Variants in ANKRD36B observed in about 807,000 individuals in gnomAD.
ANKRD36B encodes the protein ankyrin repeat domain-containing protein 36B.
In ANKRD36B, 37 loss-of-function variants were observed where a neutral mutation model predicts 135.7. The ratio of observed to expected loss-of-function variants is 0.27; its 90% confidence interval spans 0.21 to 0.36. The LOEUF (loss-of-function observed/expected upper bound fraction) is 0.36, where lower values mean the gene tolerates loss of function less well. Among genes scored for constraint, ANKRD36B ranks in the 10% least tolerant of loss-of-function variants. ANKRD36B has a pLI of 1.00. For missense variants in ANKRD36B, 549 were observed against 1,037.1 expected, an observed-to-expected ratio of 0.53 and a Z score of 6.46; for synonymous variants, 179 against 348.1, an observed-to-expected ratio of 0.51 and a Z score of 5.41.
chr2:97,588,335 C>G (rs867799128), intron 1 of ANKRD36B, among the ~76,000 whole-genome samples: 7 of 151,768 alleles, frequency 4.6e-5, no homozygotes, highest in Non-Finnish European at 8.8e-5. Flanking sequence ...AAGGCAATTG[C>G]GGTTTTCGCC....
In ANKRD36B at chr2:97,555,360, T is replaced by C. The variant is rs1278776350; in HGVS notation, c.1070-106A>G. 14 of 1,506,026 alleles carry C rather than the reference T, an allele frequency of 9.3e-6. 1 individual carries two copies. The highest frequency in any genetic ancestry group is 8.0e-5 in the Admixed American group (4 of 50,136). The allele number at this position is 1,506,026 out of a possible 1,614,324, so 93.3% of individuals were successfully genotyped here. ...AGCTGTATCTTCCTGCCTGTATTAGTATAGGCTTTGATTTTTGTGTCTGGG... is the reference window on the plus strand; with the variant it reads ...AGCTGTATCTTCCTGCCTGTATTAGCATAGGCTTTGATTTTTGTGTCTGGG... On this transcript the variant is annotated intron_variant, in intron 12 of 43. Coordinates refer to ENST00000359901, the MANE Select transcript of ANKRD36B (RefSeq NM_001393939.1).
chr2:97,566,159 CAAA>C (rs56089651), intron 6 of ANKRD36B, among the ~76,000 whole-genome samples: 9 of 148,062 alleles, frequency 6.1e-5, no homozygotes, highest in African/African-American at 2.0e-4. Flanking sequence ...AACAAAAATA[CAAA>C]AAAAAAAAAT....
Position 97,577,841 on chromosome 2 carries a change from T to C in ANKRD36B, c.695+1065A>G, listed in dbSNP as rs374483875. 3.6e-4 allele frequency among the ~76,000 whole-genome samples: 54 copies of C among 151,978 alleles called. 2 individuals carry two copies. The East Asian group carries it at 8.3e-3, about 23-fold the overall frequency. On this transcript the variant is annotated intron_variant, in intron 5 of 43. Coordinates refer to ENST00000359901, the MANE Select transcript of ANKRD36B (RefSeq NM_001393939.1). The stretch of plus-strand genomic sequence containing the variant: ...ACTTGAGGGGCCAACCACAAGTTGA[T>C]GCCTACTACTCTAAGGAAGGATGGC...
At chr2:97,563,363 T>C (rs937352198) in intron 6 of ANKRD36B, among the ~76,000 whole-genome samples, 11 of 151,544 alleles carry the variant, frequency 7.3e-5, no homozygotes, top group Admixed American at 4.6e-4. Flanking sequence ...AGGAAATAAA[T>C]ATGGAACACA....
At chr2:97,581,994 G>A (rs1403679709) in intron 3 of ANKRD36B, among the ~76,000 whole-genome samples, 1 of 150,542 alleles carries the variant, frequency 6.6e-6, no homozygotes, top group African/African-American at 2.4e-5. Context: ...ATTTGTAGTA[G>A]AGAGGGGGTT....
chr2:97,554,971 TG>T, intron 14 of ANKRD36B, 88 bp downstream of exon 14: 2 of 1,490,960 alleles, frequency 1.3e-6, no homozygotes, highest in Non-Finnish European at 1.8e-6. Context: ...TGTGCAGCTT[TG>T]ATGAGCCCCC....
intron 10 of ANKRD36B, 48 bp from the exon 11 acceptor site, chr2:97,557,180 A>C: frequency 6.7e-7 from 1 of 1,496,202 alleles, no homozygotes; most frequent in Non-Finnish European, 9.0e-7. Flanking sequence ...AATATGACAA[A>C]GTCGTCCATA....
intron 34 of ANKRD36B, among the ~76,000 whole-genome samples, chr2:97,535,933 G>T (rs1270310529): frequency 1.1e-5 from 1 of 92,450 alleles, no homozygotes; most frequent in African/African-American, 3.2e-5. Context: ...GGCATGGTGG[G>T]GCATACCTGT....
chr2:97,555,245 T>G lies in ANKRD36B; in HGVS notation c.1079A>C (p.Gln360Pro). 6.2e-7 allele frequency: 1 copy of G among 1,611,290 alleles called. No individual in the cohort carries two copies. Among genetic ancestry groups the G allele is most frequent in the Non-Finnish European group, 8.5e-7 (1 of 1,178,266 alleles). The change falls in exon 13 of 44, where the codon CAG becomes CCG. Residue 360 changes from glutamine to proline, a missense_variant. Coordinates refer to ENST00000359901, the MANE Select transcript of ANKRD36B (RefSeq NM_001393939.1). ...GGGKSGTVSS[Q>P]KQPASKTASD... ...AATTACCTTTGAGGCTGGTTGTTTCTGAGAAGACACTGAAAAGCAAAAGGG... is the reference window on the plus strand; with the variant it reads ...AATTACCTTTGAGGCTGGTTGTTTCGGAGAAGACACTGAAAAGCAAAAGGG...
At chr2:97,514,075 G>A (rs200617982) in intron 37 of ANKRD36B, among the ~76,000 whole-genome samples, 3,157 of 135,806 alleles carry the variant, frequency 0.023, 215 homozygotes, top group Middle Eastern at 0.045. Context: ...GGGCTGTGTC[G>A]GGGGCCACGG....
rs1032904184 is a variant in ANKRD36B at position 97,585,174 on chromosome 2, C to T, written c.277-57G>A. 2.9e-4 allele frequency: 473 copies of T among 1,612,770 alleles called. 3 individuals carry two copies. The highest frequency in any genetic ancestry group is 3.6e-5 in the Non-Finnish European group (42 of 1,179,236). On this transcript the variant is annotated intron_variant, in intron 2 of 43. Transcript: ENST00000359901. Reference sequence around the variant, plus strand: ...ACTGAAAAAATCAAAATAAACACTCCGTAGGATTTCCTACTAGTTATATGG... The same window carrying T: ...ACTGAAAAAATCAAAATAAACACTCTGTAGGATTTCCTACTAGTTATATGG...
intron 20 of ANKRD36B, among the ~76,000 whole-genome samples, chr2:97,548,674 T>C (rs1396330137): frequency 6.6e-6 from 1 of 151,948 alleles, no homozygotes; most frequent in Non-Finnish European, 1.5e-5. Context: ...GAAGCCAATG[T>C]GTTCATATTC....
At chr2:97,571,214 C>T (rs1030830035) in intron 6 of ANKRD36B, among the ~76,000 whole-genome samples, 3 of 152,192 alleles carry the variant, frequency 2.0e-5, no homozygotes, top group African/African-American at 2.4e-5. Context: ...TGCAATGACA[C>T]GCACCTGTAG....
rs1167973505 is a variant in ANKRD36B at position 97,528,755 on chromosome 2, A to C, written c.2265+3556T>G. ...CAATCCCACAGAAATACAAACTACC[A>C]TCAGAGAATACTACAAACACCTCTA... On this transcript the variant is annotated intron_variant, in intron 35 of 43. Coordinates refer to ENST00000359901, the MANE Select transcript of ANKRD36B (RefSeq NM_001393939.1). Among the ~76,000 whole-genome samples, 2 of 96,516 alleles carry C rather than the reference A, an allele frequency of 2.1e-5. 1 individual carries two copies. Among genetic ancestry groups the C allele is most frequent in the Admixed American group, 1.8e-4 (2 of 10,884 alleles). The allele number at this position is 96,516 out of a possible 152,430, so 63.3% of individuals were successfully genotyped here. A position where few individuals can be genotyped will look rare whatever the true frequency, so the allele number is the denominator to read the frequency against.
At position 97,560,749 on chromosome 2, in the gene ANKRD36B, T is replaced by G; in HGVS notation, c.793-12A>C. On this transcript the variant is annotated splice_polypyrimidine_tract_variant and intron_variant, in intron 7 of 43. Coordinates refer to ENST00000359901, the MANE Select transcript of ANKRD36B (RefSeq NM_001393939.1). ...TCGTCACTTGTAGCCTGAATGGGAT[T>G]TGAAACAAAATAATCAATATGTAAA... The G allele has an allele frequency of 6.3e-7, 1 of 1,599,330 alleles. No individual in the cohort carries two copies. Among genetic ancestry groups the G allele is most frequent in the Non-Finnish European group, 8.5e-7 (1 of 1,177,832 alleles).
chr2:97,548,370 A>T lies in ANKRD36B; in HGVS notation c.1478-639T>A, dbSNP rs534202483. Among the ~76,000 whole-genome samples the T allele has an allele frequency of 7.1e-4, 108 of 152,036 alleles. 1 individual carries two copies. The highest frequency in any genetic ancestry group is 1.2e-3 in the South Asian group (6 of 4,814). ...GTATCCACTAGTTTAGCCTTCCAAAAGTTTCTTCATCCAGTCGTGGCACCA... is the reference window on the plus strand; with the variant it reads ...GTATCCACTAGTTTAGCCTTCCAAATGTTTCTTCATCCAGTCGTGGCACCA... On this transcript the variant is annotated intron_variant, in intron 20 of 43. Transcript: ENST00000359901.
chr2:97,576,563 C>A, intron 5 of ANKRD36B, 117 bp from the exon 6 acceptor site: 1 of 296,160 alleles, frequency 3.4e-6, no homozygotes, highest in Non-Finnish European at 6.5e-6. Flanking sequence ...ATCCTATACA[C>A]TTCTCTTTTG....
chr2:97,530,617 C>A lies in ANKRD36B; in HGVS notation c.2265+1694G>T, dbSNP rs1464251051. ...AGAAACTACCATCAGAGTGAACAGG[C>A]AACCTACAAAATGGGAGAAAATTTT... On this transcript the variant is annotated intron_variant, in intron 35 of 43. Transcript: ENST00000359901. Among the ~76,000 whole-genome samples, 6 of 95,438 alleles carry A rather than the reference C, an allele frequency of 6.3e-5. 3 individuals are homozygous for A. Among genetic ancestry groups the A allele is most frequent in the Non-Finnish European group, 1.7e-4 (6 of 36,066 alleles). The allele number at this position is 95,438 out of a possible 152,430, so 62.6% of individuals were successfully genotyped here. A position where few individuals can be genotyped will look rare whatever the true frequency, so the allele number is the denominator to read the frequency against.
intron 16 of ANKRD36B, among the ~76,000 whole-genome samples, chr2:97,552,363 GA>G (rs1466551328): frequency 1.3e-5 from 2 of 151,940 alleles, no homozygotes; most frequent in African/African-American, 4.8e-5. Flanking sequence ...AGTCTGTAAA[GA>G]TGTTTCGTGA....
Sources: gnomAD v4.1 joint callset for allele counts (sites outside exome capture counted in the v4.1 genomes callset) on GRCh38, gnomAD v4.1.1 for gene constraint, MANE v1.5 for transcripts, NCBI Gene and HGNC (gene_info 2026-07-23, HGNC 2026-07-21) for gene names.